The following MEF2A variants were observed in gnomAD, a reference collection of about 807,000 sequenced individuals.
MEF2A encodes the protein myocyte-specific enhancer factor 2A.
MEF2A carries 28 observed loss-of-function variants against 55.8 expected under a neutral mutation model. That is an observed-to-expected ratio of 0.50 (90% CI 0.37 to 0.69). MEF2A has a LOEUF of 0.69. Among genes scored for constraint, MEF2A ranks in the 30% least tolerant of loss-of-function variants. The pLI is 0.00. For synonymous variants in MEF2A, 239 were observed against 227.1 expected (o/e 1.05, Z -0.47); for missense variants, 528 against 626.2 (o/e 0.84, Z 1.67).
intron 3 of MEF2A, among the ~76,000 whole-genome samples, chr15:99,635,152 G>A (rs1172141989): frequency 1.3e-5 from 2 of 152,186 alleles, no homozygotes; most frequent in African/African-American, 2.4e-5. Context: ...ATCTAAATAT[G>A]TGGCAAATAG....
chr15:99,567,589 A>G (rs1445723504), intron 1 of MEF2A, among the ~76,000 whole-genome samples: 1 of 151,676 alleles, frequency 6.6e-6, no homozygotes, highest in Admixed American at 6.6e-5. Context: ...AGTGAGGATA[A>G]AAATGACTGC....
At chr15:99,593,952 T>A (rs1209981853) in intron 1 of MEF2A, among the ~76,000 whole-genome samples, 1 of 152,212 alleles carries the variant, frequency 6.6e-6, no homozygotes, top group Non-Finnish European at 1.5e-5. Context: ...TTTGTACTCT[T>A]TCACACACCA....
intron 11 of MEF2A, among the ~76,000 whole-genome samples, chr15:99,711,245 G>C (rs325401): frequency 0.94 from 143,684 of 152,224 alleles, 68,351 homozygotes; most frequent in East Asian, 1. Context: ...ACAAGCTGGA[G>C]CTTTTGCTTT....
intron 5 of MEF2A, among the ~76,000 whole-genome samples, chr15:99,672,635 A>G (rs2051107509): frequency 6.6e-6 from 1 of 152,198 alleles, no homozygotes; most frequent in Non-Finnish European, 1.5e-5. Context: ...CCTGTATTAC[A>G]GGTTGGGTAT....
At chr15:99,658,410 T>C (rs1269336593) in intron 4 of MEF2A, among the ~76,000 whole-genome samples, 1 of 151,900 alleles carries the variant, frequency 6.6e-6, no homozygotes, top group African/African-American at 2.4e-5. Context: ...GCAGAAAATA[T>C]CAAGAAAGGT....
chr15:99,688,769 A>G (rs921964134), intron 7 of MEF2A, among the ~76,000 whole-genome samples: 1 of 152,178 alleles, frequency 6.6e-6, no homozygotes, highest in South Asian at 2.1e-4. Flanking sequence ...AAGTAAATAA[A>G]TAAATAAATA....
intron 1 of MEF2A, chr15:99,566,694 G>T (rs1020710902): frequency 2.6e-5 from 4 of 152,406 alleles, no homozygotes; most frequent in Non-Finnish European, 4.4e-5. Context: ...CTTCTGCCCT[G>T]TTGGACTTGA....
chr15:99,619,282 C>T (rs528147869), intron 2 of MEF2A, among the ~76,000 whole-genome samples: 379 of 152,212 alleles, frequency 2.5e-3, no homozygotes, highest in Non-Finnish European at 3.2e-3. Context: ...CTAGCTGCTC[C>T]GAAAACCAAG....
At chr15:99,619,748 C>T (rs1224681678) in intron 2 of MEF2A, among the ~76,000 whole-genome samples, 1 of 152,174 alleles carries the variant, frequency 6.6e-6, no homozygotes, top group African/African-American at 2.4e-5. Flanking sequence ...ATTCTGGCCT[C>T]ATGTGGTACA....
chr15:99,634,780 C>A (rs1332671442), intron 3 of MEF2A, among the ~76,000 whole-genome samples: 2 of 152,206 alleles, frequency 1.3e-5, no homozygotes, highest in African/African-American at 4.8e-5. Flanking sequence ...TTACGTTGGA[C>A]TTAGCTGCTG....
In MEF2A at chr15:99,712,531, G is replaced by A; in HGVS notation, c.1278G>A (p.Gln426=). 6.5e-7 allele frequency: 1 copy of A among 1,535,382 alleles called. No individual in the cohort carries two copies. Among genetic ancestry groups the A allele is most frequent in the South Asian group, 1.2e-5 (1 of 83,086 alleles). ...AGCAGCAGCAGCAGCAGCAGCAGCA[G>A]CAGCAGCCGCCGCCACCACCGCAGC... ...GFQQQQQQQQ[Q]QQPPPPPQPQ... is the part of the protein sequence containing the mutation. Residue 426 remains glutamine (Q), a synonymous_variant, in exon 12 of 12, where the codon CAG becomes CAA. Transcript: ENST00000557942. This position sits in a 1 kb window ranked among gnomAD's most constrained non-coding sequence, Gnocchi z 4.1.
At chr15:99,686,186 T>C (rs550596730) in intron 7 of MEF2A, among the ~76,000 whole-genome samples, 1 of 152,340 alleles carries the variant, frequency 6.6e-6, no homozygotes, top group South Asian at 2.1e-4. Flanking sequence ...ATTCTGCCAT[T>C]CTGTATATTT....
At chr15:99,694,979 T>TG (rs1001902830) in intron 8 of MEF2A, among the ~76,000 whole-genome samples, 6 of 31,210 alleles carry the variant, frequency 1.9e-4, no homozygotes, top group African/African-American at 3.0e-4. Context: ...CTTATTTTTG[T>TG]GGGTTTTTTT....
chr15:99,645,307 CTG>C (rs2045783772), intron 3 of MEF2A, among the ~76,000 whole-genome samples: 1 of 152,160 alleles, frequency 6.6e-6, no homozygotes, highest in African/African-American at 2.4e-5. Flanking sequence ...GCTTCACCCT[CTG>C]TAGTGGAGTG....
At chr15:99,609,066 A>C (rs555934679) in intron 2 of MEF2A, among the ~76,000 whole-genome samples, 4 of 152,304 alleles carry the variant, frequency 2.6e-5, no homozygotes, top group African/African-American at 7.2e-5. Context: ...CTCTGATTTT[A>C]AGTAAATAGT....
intron 7 of MEF2A, among the ~76,000 whole-genome samples, chr15:99,685,692 A>G (rs2054089282): frequency 1.3e-5 from 2 of 151,928 alleles, no homozygotes; most frequent in Admixed American, 1.3e-4. Context: ...TTATCTTTTG[A>G]TATGCTGTTG....
At chr15:99,667,647 A>G (rs1181550415) in intron 4 of MEF2A, among the ~76,000 whole-genome samples, 1 of 152,188 alleles carries the variant, frequency 6.6e-6, no homozygotes, top group Admixed American at 6.5e-5. Flanking sequence ...AGACAAATGT[A>G]TAAGCCCACC....
chr15:99,666,610 T>TAATAATAATAATAATAAA (rs558175306), intron 4 of MEF2A, among the ~76,000 whole-genome samples: 1 of 148,392 alleles, frequency 6.7e-6, no homozygotes, highest in African/African-American at 2.5e-5. Context: ...ATAATAATAA[T>TAATAATAATAATAATAAA]AAAAAGATCA....
intron 7 of MEF2A, among the ~76,000 whole-genome samples, chr15:99,681,511 G>T (rs2153679399): frequency 6.6e-6 from 1 of 152,302 alleles, no homozygotes; most frequent in East Asian, 1.9e-4. Context: ...GATAGTTGAA[G>T]TTGTATATGC....
Sources: gnomAD v4.1 joint callset for allele counts (sites outside exome capture counted in the v4.1 genomes callset) on GRCh38, gnomAD v4.1.1 for gene constraint, Gnocchi (gnomAD v3.1) non-coding constraint, MANE v1.5 for transcripts, NCBI Gene and HGNC (gene_info 2026-07-23, HGNC 2026-07-21) for gene names.